Variants in TRDN observed in about 807,000 individuals in gnomAD.
TRDN encodes triadin.
A neutral mutation model predicts 149.7 loss-of-function variants in TRDN; 161 were observed. The ratio of observed to expected loss-of-function variants is 1.08; its 90% CI spans 0.95 to 1.23. The LOEUF (loss-of-function observed/expected upper bound fraction) is 1.23. Among genes scored for constraint, TRDN ranks in the 50% most tolerant of loss-of-function variants. The pLI is 0.00. For missense variants in TRDN, 896 were observed against 823.5 expected (o/e 1.09, Z -1.08); for synonymous variants, 294 against 250.5 (o/e 1.17, Z -1.64).
chr6:123,556,303 G>C lies in TRDN; in HGVS notation c.233-7691C>G, dbSNP rs536581498. Among the ~76,000 whole-genome samples the C allele has an allele frequency of 2.4e-4, 36 of 152,196 alleles. 2 individuals carry two copies. In the South Asian group the frequency reaches 4.1e-3, roughly 17 times the overall value. ...TGAACAATAAATCAAAATTATATAA[G>C]TGATTTAACTTCAAAACTAAGTGTC... On this transcript the variant is annotated intron_variant, in intron 2 of 40. Coordinates refer to ENST00000334268, the MANE Select transcript of TRDN (RefSeq NM_006073.4).
Position 123,438,083 on chromosome 6 carries a change from G to T in TRDN, c.1031C>A (p.Ala344Asp). ...AATACCTTTTTTTTCCACATCAATGGCAGTTTCCTTCTCACTTTTCTTTTT... is the reference window on the plus strand; with the variant it reads ...AATACCTTTTTTTTCCACATCAATGTCAGTTTCCTTCTCACTTTTCTTTTT... ...DIKKKSEKET[A>D]IDVEKKEPGK... Residue 344 changes from alanine (A) to aspartate (D), a missense_variant, in exon 12 of 41, where the codon GCC (alanine) becomes GAC (aspartate). By Grantham distance (126) the Ala-to-Asp change is moderately radical (BLOSUM62 -2). Coordinates refer to ENST00000334268, the MANE Select transcript of TRDN (RefSeq NM_006073.4). The T allele has an allele frequency of 6.3e-7, 1 of 1,597,658 alleles. No individual in the cohort carries two copies. Among genetic ancestry groups the T allele is most frequent in the Non-Finnish European group, 8.5e-7 (1 of 1,173,588 alleles).
intron 18 of TRDN, among the ~76,000 whole-genome samples, chr6:123,375,861 C>A (rs1781482122): frequency 6.6e-6 from 1 of 152,008 alleles, no homozygotes; most frequent in Admixed American, 6.6e-5. Context: ...TCATACTTCT[C>A]CCAACACAGA....
chr6:123,474,914 G>C (rs372861344), intron 9 of TRDN, among the ~76,000 whole-genome samples: 4 of 152,088 alleles, frequency 2.6e-5, no homozygotes, highest in African/African-American at 9.7e-5. Context: ...TCTCTGGGAC[G>C]CATTCAAAGC....
At chr6:123,304,714 T>C (rs75456883) in intron 24 of TRDN, among the ~76,000 whole-genome samples, 1 of 152,124 alleles carries the variant, frequency 6.6e-6, no homozygotes, top group Non-Finnish European at 1.5e-5. Flanking sequence ...AGGTTTCTGA[T>C]AATTTTAAAT....
chr6:123,458,804 A>T (rs913815526), intron 10 of TRDN, among the ~76,000 whole-genome samples: 2 of 152,002 alleles, frequency 1.3e-5, no homozygotes, highest in Non-Finnish European at 2.9e-5. Flanking sequence ...TGTTTTTGAG[A>T]TCATTTGCTC....
At chr6:123,589,532 AT>A (rs1271422910) in intron 1 of TRDN, among the ~76,000 whole-genome samples, 1 of 152,158 alleles carries the variant, frequency 6.6e-6, no homozygotes, top group Non-Finnish European at 1.5e-5. Flanking sequence ...GCTTTTCATG[AT>A]TTGTTGACTC....
intron 38 of TRDN, among the ~76,000 whole-genome samples, chr6:123,245,093 A>C (rs964265583): frequency 6.6e-6 from 1 of 152,218 alleles, no homozygotes; most frequent in Admixed American, 6.5e-5. Context: ...CTCCTGAAGC[A>C]AGCACTAAAT....
intron 1 of TRDN, among the ~76,000 whole-genome samples, chr6:123,584,288 G>T (rs549597444): frequency 3.3e-4 from 51 of 152,308 alleles, no homozygotes; most frequent in African/African-American, 1.2e-3. Context: ...GAAGAAAATA[G>T]ATTTTGGAAG....
chr6:123,318,474 C>A (rs1230559541), intron 23 of TRDN, among the ~76,000 whole-genome samples: 3 of 152,044 alleles, frequency 2.0e-5, no homozygotes, highest in African/African-American at 7.2e-5. Flanking sequence ...ATTTTCCCAA[C>A]CTATTTCCCT....
intron 12 of TRDN, among the ~76,000 whole-genome samples, chr6:123,435,756 C>G (rs74653742): frequency 0.017 from 2,622 of 152,232 alleles, 82 homozygotes; most frequent in African/African-American, 0.059. Flanking sequence ...CCTAGATGTG[C>G]TGAGCAATTA....
In TRDN at chr6:123,503,799, T is replaced by C. The variant is rs759819284; in HGVS notation, c.713A>G (p.Lys238Arg). The change falls in exon 8 of 41, where the codon AAA becomes AGA. Residue 238 changes from lysine to arginine, a missense_variant. By Grantham distance (26) the Lys-to-Arg change is conservative. Transcript: ENST00000334268. ...EKVKQTAAKV[K>R]EVQKTPSKPK... ...TTTTGATGGTGTTTTCTGTACTTCT[T>C]TTACTTTTGCAGCTGTTTGCTTCAC... 7 of 1,613,028 alleles carry C rather than the reference T, an allele frequency of 4.3e-6. No homozygotes were observed. Among genetic ancestry groups the C allele is most frequent in the Non-Finnish European group, 5.9e-6 (7 of 1,179,540 alleles).
intron 20 of TRDN, 37 bp downstream of exon 20, chr6:123,366,096 CTT>C (rs1781088837): frequency 1.3e-6 from 2 of 1,550,500 alleles, no homozygotes; most frequent in East Asian, 4.5e-5. Context: ...GCAGAAATAA[CTT>C]ATAGTTATGA....
At chr6:123,468,274 C>G (rs1776949651) in intron 9 of TRDN, among the ~76,000 whole-genome samples, 1 of 152,118 alleles carries the variant, frequency 6.6e-6, no homozygotes, top group African/African-American at 2.4e-5. Context: ...AAGATTTAGG[C>G]TGTTGAAATT....
intron 1 of TRDN, among the ~76,000 whole-genome samples, chr6:123,580,830 A>G (rs1783085953): frequency 1.3e-5 from 2 of 152,222 alleles, no homozygotes; most frequent in Non-Finnish European, 2.9e-5. Flanking sequence ...TGGTGTTTCC[A>G]AGTGGTCCAT....
At chr6:123,390,573 T>G (rs903618597) in intron 13 of TRDN, among the ~76,000 whole-genome samples, 2 of 152,154 alleles carry the variant, frequency 1.3e-5, no homozygotes, top group African/African-American at 4.8e-5. Flanking sequence ...CTTTTATTTA[T>G]TGCCAACTGG....
rs1209841067 is a variant in TRDN, at chr6:123,260,588, T to C, written c.1831+24A>G. The stretch of plus-strand genomic sequence containing the variant: ...ACTGTTTCCACAACTGTATCTTATC[T>C]CCTCTGAAAAAGTAAATATTTACCT... On this transcript the variant is annotated intron_variant, in intron 34 of 40. Transcript: ENST00000334268. 2.1e-6 allele frequency: 3 copies of C among 1,458,650 alleles called. No homozygotes were observed. The African/African-American group carries it at 4.5e-5, about 22-fold the overall frequency. 90.4% of individuals were successfully genotyped at this position (1,458,650 alleles called of 1,614,324 possible). A position where few individuals can be genotyped will look rare whatever the true frequency, so the allele number is the denominator to read the frequency against.
rs748395950 is a variant in TRDN, at chr6:123,571,021, C to T, written c.134G>A (p.Ser45Asn). Residue 45 changes from serine to asparagine, a missense_variant, in exon 2 of 41, where the codon AGC becomes AAC. By Grantham distance (46) the Ser-to-Asn change is conservative (BLOSUM62 1). Coordinates refer to ENST00000334268, the MANE Select transcript of TRDN (RefSeq NM_006073.4). ...GACCAGAAGCCAGGCTGCAGGGGAG[C>T]TGAACGTCGTCACTATGTCTTCTGT... ...TVTEDIVTTF[S>N]SPAAWLLVIA... is the part of the protein sequence containing the mutation. 7.4e-6 allele frequency: 12 copies of T among 1,613,992 alleles called. No individual in the cohort carries two copies. In the South Asian group the frequency reaches 1.1e-4, roughly 15 times the overall value.
rs10638140 is a variant in TRDN, at chr6:123,551,342, TACACACACACAC to T, written c.233-2742_233-2731del. Among the ~76,000 whole-genome samples, 6 of 141,096 alleles carry T rather than the reference TACACACACACAC, an allele frequency of 4.3e-5. 1 individual carries two copies. Among genetic ancestry groups the T allele is most frequent in the Admixed American group, 3.5e-4 (5 of 14,200 alleles). 92.6% of individuals were successfully genotyped at this position (141,096 alleles called of 152,430 possible). A position where few individuals can be genotyped will look rare whatever the true frequency, so the allele number is the denominator to read the frequency against. On this transcript the variant is annotated intron_variant, in intron 2 of 40. Coordinates refer to ENST00000334268, the MANE Select transcript of TRDN (RefSeq NM_006073.4). ...TGGACCACTTCTTCCAAAACCTAAA[TACACACACACAC>T]ACACACACACACACACACACACACA...
chr6:123,529,285 G>A (rs1780100650), intron 5 of TRDN: 13 of 1,548,856 alleles, frequency 8.4e-6, no homozygotes, highest in African/African-American at 1.4e-5. Context: ...CAAGAGCTGT[G>A]TCCAACTTCT....
Sources: allele counts gnomAD v4.1 joint callset (sites outside exome capture counted in the v4.1 genomes callset), GRCh38; gene constraint gnomAD v4.1.1; transcripts MANE v1.5; gene names NCBI Gene and HGNC (gene_info 2026-07-23, HGNC 2026-07-21).